The following ZNF217 variants were observed in gnomAD, a reference collection of about 807,000 sequenced individuals.
ZNF217 encodes zinc finger protein 217.
In ZNF217, 12 loss-of-function variants were observed where a neutral mutation model predicts 73.3. That is an observed-to-expected ratio of 0.16 (90% CI 0.10 to 0.27). ZNF217 has a LOEUF of 0.27. Ranked by LOEUF, ZNF217 falls within the 10% of genes least tolerant of loss-of-function variation. The pLI is 1.00. For synonymous variants in ZNF217, 588 were observed against 516.4 expected (o/e 1.14, Z -1.88); for missense variants, 1,195 against 1,327.8 (o/e 0.90, Z 1.55).
At chr20:53,592,322 G>A (rs6022605) in intron 1 of ZNF217, among the ~76,000 whole-genome samples, 2,386 of 152,114 alleles carry the variant, frequency 0.016, 66 homozygotes, top group African/African-American at 0.054. Flanking sequence ...TGAGGCTCAA[G>A]GAATTTCGAG....
Position 53,575,614 on chromosome 20 carries a change from T to C in ZNF217, c.3037+113A>G, listed in dbSNP as rs138170427. 9.5e-5 allele frequency: 101 copies of C among 1,068,082 alleles called. No homozygotes were observed. In the African/African-American group the frequency reaches 1.4e-3, roughly 15 times the overall value. 66.2% of individuals were successfully genotyped at this position (1,068,082 alleles called of 1,614,324 possible). A position where few individuals can be genotyped will look rare whatever the true frequency, so the allele number is the denominator to read the frequency against. The stretch of plus-strand genomic sequence containing the variant: ...CTTCTCTCTGTGACCCCCAAGAACT[T>C]CTGGCTGCCTACCCCCCACCCTTGG... On this transcript the variant is annotated intron_variant, in intron 4 of 5. Transcript: ENST00000371471.
At chr20:53,587,538 G>T (rs1161136997) in intron 1 of ZNF217, among the ~76,000 whole-genome samples, 1 of 152,112 alleles carries the variant, frequency 6.6e-6, no homozygotes, top group African/African-American at 2.4e-5. Flanking sequence ...TATGGAATAT[G>T]CATCTACCAT....
chr20:53,570,654 C>T (rs149060333), intron 5 of ZNF217, among the ~76,000 whole-genome samples: 398 of 152,312 alleles, frequency 2.6e-3, no homozygotes, highest in Middle Eastern at 0.01. Context: ...TTGAGCCTTA[C>T]GGGACGGCGG....
intron 2 of ZNF217, among the ~76,000 whole-genome samples, chr20:53,579,714 T>TA (rs1199223515): frequency 6.6e-6 from 1 of 152,370 alleles, no homozygotes; most frequent in Non-Finnish European, 1.5e-5. Context: ...ACTTTACAGT[T>TA]ATATTTTTTA....
chr20:53,578,396 C>G lies in ZNF217; in HGVS notation c.1421G>C (p.Ser474Thr), dbSNP rs1275419890. The G allele has an allele frequency of 5.0e-6, 8 of 1,597,594 alleles. No homozygotes were observed. The highest frequency in any genetic ancestry group is 6.8e-6 in the Non-Finnish European group (8 of 1,175,088). ...IKHLTSSREC[S>T]YCGKFFRSNY... Reference sequence around the variant, plus strand: ...TGAACGGAAAAACTTTCCACAATAACTACACTCTCTTGAAGATGTAAGATG... The same window carrying G: ...TGAACGGAAAAACTTTCCACAATAAGTACACTCTCTTGAAGATGTAAGATG... Residue 474 changes from serine (S) to threonine (T), a missense_variant, in exon 3 of 6, where the codon AGT becomes ACT. Ser to Thr is a moderately conservative substitution (Grantham distance 58, BLOSUM62 1). Around this residue, in one of 9 missense-constraint regions of ZNF217, gnomAD observed 116 missense variants for 121.9 expected, o/e 0.95. Transcript: ENST00000371471.
chr20:53,592,904 T>C (rs560875117), intron 1 of ZNF217, among the ~76,000 whole-genome samples: 1 of 151,854 alleles, frequency 6.6e-6, no homozygotes, highest in South Asian at 2.1e-4. Context: ...CAATCCTTCC[T>C]GCCCTTTAGA....
At chr20:53,569,557 G>A (rs2145916554) in intron 5 of ZNF217, among the ~76,000 whole-genome samples, 1 of 152,152 alleles carries the variant, frequency 6.6e-6, no homozygotes, top group Non-Finnish European at 1.5e-5. Flanking sequence ...TAATTTTTTT[G>A]TATTTTTAGT....
intron 2 of ZNF217, among the ~76,000 whole-genome samples, chr20:53,578,881 G>A (rs1011218931): frequency 2.0e-5 from 3 of 152,108 alleles, no homozygotes; most frequent in Admixed American, 1.3e-4. Context: ...ATTACAAACC[G>A]TCAACTTCCC....
Position 53,576,614 on chromosome 20 carries a change from A to T in ZNF217, c.2150T>A (p.Phe717Tyr). Residue 717 changes from phenylalanine to tyrosine, a missense_variant, in exon 4 of 6, where the codon TTC becomes TAC. Around this residue, in one of 9 missense-constraint regions of ZNF217, gnomAD observed 649 missense variants for 642.8 expected, o/e 1.01. Coordinates refer to ENST00000371471, the MANE Select transcript of ZNF217 (RefSeq NM_006526.3). ...TAAAACTTCTGGATAAAATGTCTTG[A>T]AGGTACAAAATGGACAGGTGATACT... The part of the protein sequence containing the change: ...IPSITCPFCT[F>Y]KTFYPEVLMM... The T allele has an allele frequency of 6.2e-7, 1 of 1,614,252 alleles. No individual in the cohort carries two copies. Among genetic ancestry groups the T allele is most frequent in the South Asian group, 1.1e-5 (1 of 91,090 alleles).
At position 53,581,732 on chromosome 20, in the gene ZNF217, G is replaced by A. The variant is rs754024105; in HGVS notation, c.1095C>T (p.Pro365=). Residue 365 remains proline, a synonymous_variant, in exon 2 of 6, where the codon CCC becomes CCT. Coordinates refer to ENST00000371471, the MANE Select transcript of ZNF217 (RefSeq NM_006526.3). The surrounding 1 kb of genome is among the most constrained non-coding windows in gnomAD (Gnocchi z 4.9). The part of the protein sequence containing the change: ...HGEAPSVDAD[P]KLPSSKEKPT... ...GCTTCTCCTTGCTACTGGGTAACTT[G>A]GGATCCGCGTCCACGGAGGGCGCTT... 48 of 1,614,090 alleles carry A rather than the reference G, an allele frequency of 3.0e-5. No individual in the cohort carries two copies. The Admixed American group carries it at 7.3e-4, about 25-fold the overall frequency.
upstream of ZNF217, chr20:53,597,570 A>G (rs1231653354): frequency 1.3e-5 from 2 of 150,526 alleles, no homozygotes; most frequent in Non-Finnish European, 3.0e-5. Context: ...AAGTATCACA[A>G]TAATATACTA....
chr20:53,580,042 AG>A (rs2145951424), intron 2 of ZNF217, among the ~76,000 whole-genome samples: 1 of 152,360 alleles, frequency 6.6e-6, no homozygotes, highest in African/African-American at 2.4e-5. Context: ...CGGCACTAGC[AG>A]AAACCACTTA....
At position 53,571,408 on chromosome 20, in the gene ZNF217, C is replaced by A. The variant is rs1015896072; in HGVS notation, c.*23+313G>T. Among the ~76,000 whole-genome samples the A allele has an allele frequency of 3.5e-5, 4 of 113,698 alleles. No individual in the cohort carries two copies. The East Asian group carries it at 1.3e-3, about 36-fold the overall frequency. 74.6% of individuals were successfully genotyped at this position (113,698 alleles called of 152,430 possible). ...AAGTAAAATCAATCCCCGCCCCCGC[C>A]CCCCCTTTTTTTTAGACTGAGTCTC... On this transcript the variant is annotated intron_variant, in intron 5 of 5. Transcript: ENST00000371471.
intron 5 of ZNF217, 83 bp from the exon 6 acceptor site, chr20:53,569,347 C>T (rs1454319354): frequency 2.0e-5 from 20 of 1,021,822 alleles, no homozygotes; most frequent in Non-Finnish European, 2.5e-5. Context: ...AAGCGTAATA[C>T]ATAGAACCAA....
intron 2 of ZNF217, 29 bp from the exon 3 acceptor site, chr20:53,578,479 A>G (rs1988369397): frequency 2.1e-6 from 3 of 1,429,590 alleles, no homozygotes; most frequent in Non-Finnish European, 1.9e-6. Context: ...ATATTTATAT[A>G]AGAAGGTAGC....
At chr20:53,577,311 A>G in intron 3 of ZNF217, 31 bp from the exon 4 acceptor site, 1 of 1,564,062 alleles carries the variant, frequency 6.4e-7, no homozygotes, top group Non-Finnish European at 8.6e-7. Flanking sequence ...TTATTATAGA[A>G]GTGTATGAAA....
chr20:53,578,576 C>T (rs930719646), intron 2 of ZNF217, 126 bp from the exon 3 acceptor site: 2 of 590,918 alleles, frequency 3.4e-6, no homozygotes, highest in Non-Finnish European at 5.9e-6. Context: ...TATATAACAT[C>T]GGGTTAGAAC....
At chr20:53,571,394 A>AC (rs1987991069) in intron 5 of ZNF217, among the ~76,000 whole-genome samples, 1 of 69,632 alleles carries the variant, frequency 1.4e-5, no homozygotes, top group African/African-American at 6.5e-5. Context: ...AGTAAAATCA[A>AC]TCCCCGCCCC....
chr20:53,592,078 G>A (rs909243400), intron 1 of ZNF217, among the ~76,000 whole-genome samples: 13 of 152,200 alleles, frequency 8.5e-5, no homozygotes, highest in African/African-American at 2.7e-4. Flanking sequence ...AAGCAATGAA[G>A]ACATAATTGA....
Sources: gnomAD v4.1 joint callset for allele counts (sites outside exome capture counted in the v4.1 genomes callset) on GRCh38, gnomAD v4.1.1 for gene constraint, gnomAD v4.1.1 regional missense constraint, Gnocchi (gnomAD v3.1) non-coding constraint, MANE v1.5 for transcripts, NCBI Gene and HGNC (gene_info 2026-07-23, HGNC 2026-07-21) for gene names.